Variants in NCKAP5 observed in about 807,000 individuals in gnomAD.
NCKAP5 encodes NCK associated protein 5, also known as nck-associated protein 5.
In NCKAP5, 92 loss-of-function variants were observed where a neutral mutation model predicts 167.0. The observed-to-expected ratio is 0.55, with a 90% CI of 0.47 to 0.66. The LOEUF (loss-of-function observed/expected upper bound fraction) is 0.66. Among genes scored for constraint, NCKAP5 ranks in the 30% least tolerant of loss-of-function variants. NCKAP5 has a pLI of 0.00. For synonymous variants in NCKAP5, 891 were observed against 877.4 expected (o/e 1.02, Z -0.27); for missense variants, 2,378 against 2,315.0 (o/e 1.03, Z -0.56).
chr2:133,103,793 A>G (rs192461990), intron 6 of NCKAP5, among the ~76,000 whole-genome samples: 1 of 152,268 alleles, frequency 6.6e-6, no homozygotes, highest in African/African-American at 2.4e-5. Context: ...CAGTCAATCA[A>G]TCAATGAAAG....
intron 18 of NCKAP5, among the ~76,000 whole-genome samples, chr2:132,726,802 G>A (rs116829234): frequency 0.029 from 4,458 of 152,286 alleles, 221 homozygotes; most frequent in African/African-American, 0.1. Context: ...GTGCTAAGCA[G>A]TATGCTAGGT....
intron 6 of NCKAP5, among the ~76,000 whole-genome samples, chr2:133,107,757 T>G (rs1454494761): frequency 1.3e-5 from 2 of 152,160 alleles, no homozygotes; most frequent in Non-Finnish European, 2.9e-5. Flanking sequence ...TTTTAAAAAA[T>G]AAGTTAGGGC....
chr2:132,895,340 CTG>C (rs1246633375), intron 8 of NCKAP5, among the ~76,000 whole-genome samples: 1 of 113,806 alleles, frequency 8.8e-6, no homozygotes, highest in Non-Finnish European at 1.6e-5. Flanking sequence ...GTCTGAGACT[CTG>C]TCTCAAAAAA....
chr2:132,933,712 A>G (rs1489984076), intron 8 of NCKAP5, among the ~76,000 whole-genome samples: 2 of 152,220 alleles, frequency 1.3e-5, no homozygotes, highest in East Asian at 3.8e-4. Flanking sequence ...TTTTGTCACC[A>G]TAATTTAAAG....
At chr2:132,840,823 A>G (rs1235522427) in intron 11 of NCKAP5, among the ~76,000 whole-genome samples, 2 of 152,148 alleles carry the variant, frequency 1.3e-5, no homozygotes, top group Non-Finnish European at 2.9e-5. Flanking sequence ...ATTTTAAAAA[A>G]TATTTCTAGG....
At chr2:133,206,612 G>T (rs1173700797) in intron 5 of NCKAP5, among the ~76,000 whole-genome samples, 1 of 152,146 alleles carries the variant, frequency 6.6e-6, no homozygotes, top group Non-Finnish European at 1.5e-5. Flanking sequence ...AAATCTGATT[G>T]TAAAATATGT....
At chr2:133,213,978 A>G (rs1278211987) in intron 4 of NCKAP5, among the ~76,000 whole-genome samples, 199 bp from the exon 5 acceptor site, 1 of 152,210 alleles carries the variant, frequency 6.6e-6, no homozygotes, top group Non-Finnish European at 1.5e-5. Flanking sequence ...GAAATTTGCC[A>G]TAGATTTTAC....
intron 4 of NCKAP5, among the ~76,000 whole-genome samples, chr2:133,219,271 G>A (rs1041458093): frequency 2.0e-5 from 3 of 152,184 alleles, no homozygotes; most frequent in Non-Finnish European, 4.4e-5. Flanking sequence ...CTTCCGTATC[G>A]ACAACTGGGG....
chr2:133,083,715 T>G (rs2080889121), intron 6 of NCKAP5, among the ~76,000 whole-genome samples: 1 of 152,206 alleles, frequency 6.6e-6, no homozygotes, highest in East Asian at 1.9e-4. Flanking sequence ...AAACTCTCAC[T>G]GTTCATTCAT....
intron 5 of NCKAP5, among the ~76,000 whole-genome samples, chr2:133,148,428 TA>T (rs2083276292): frequency 1.3e-5 from 2 of 152,152 alleles, no homozygotes; most frequent in African/African-American, 2.4e-5. Flanking sequence ...TTCACACTCT[TA>T]ATGTTCAATT....
chr2:132,939,591 T>A (rs532569876), intron 8 of NCKAP5, among the ~76,000 whole-genome samples: 4 of 152,228 alleles, frequency 2.6e-5, no homozygotes, highest in African/African-American at 9.6e-5. Flanking sequence ...TCAGTTTTTT[T>A]ATTTCAATAG....
chr2:133,514,342 A>G (rs577676573), intron 3 of NCKAP5, among the ~76,000 whole-genome samples: 2 of 152,346 alleles, frequency 1.3e-5, no homozygotes, highest in East Asian at 3.9e-4. Flanking sequence ...ACACATGGAC[A>G]TGTATATGTG....
chr2:132,782,951 G>C lies in NCKAP5; in HGVS notation c.3860C>G (p.Ser1287Cys), dbSNP rs368361442. The C allele has an allele frequency of 6.2e-7, 1 of 1,613,902 alleles. No homozygotes were observed. The highest frequency in any genetic ancestry group is 1.3e-5 in the African/African-American group (1 of 74,928). Residue 1287 changes from serine (S) to cysteine (C), a missense_variant, in exon 14 of 20, where the codon TCT becomes TGT. Around this residue, in one of 3 missense-constraint regions of NCKAP5, gnomAD observed 1,325 missense variants for 1,274.5 expected, o/e 1.04. Coordinates refer to ENST00000409261, the MANE Select transcript of NCKAP5 (RefSeq NM_207363.3). ...GCCTGACCCTTCGATGGGGGGCGTA[G>C]AAGGCTTGTCTCCTGAGTGTGTACT... ...SFSTHSGDKPSTPPIEGSGKV... is the reference protein window; with the variant it reads ...SFSTHSGDKPCTPPIEGSGKV...
At chr2:132,977,464 T>C (rs569348161) in intron 7 of NCKAP5, among the ~76,000 whole-genome samples, 5 of 152,182 alleles carry the variant, frequency 3.3e-5, no homozygotes, top group South Asian at 2.1e-4. Context: ...TCTTCTCACA[T>C]AGGAGCAAAT....
At chr2:133,263,259 G>A (rs920823110) in intron 4 of NCKAP5, among the ~76,000 whole-genome samples, 8 of 150,708 alleles carry the variant, frequency 5.3e-5, no homozygotes, top group African/African-American at 2.0e-4. Flanking sequence ...CAGAGTCACA[G>A]GCTTGAGTAA....
chr2:133,171,244 T>A (rs1415152921), intron 5 of NCKAP5, among the ~76,000 whole-genome samples: 2 of 152,148 alleles, frequency 1.3e-5, no homozygotes, highest in Non-Finnish European at 2.9e-5. Flanking sequence ...TGTGGAATGA[T>A]AAAGAGAAGT....
intron 19 of NCKAP5, among the ~76,000 whole-genome samples, chr2:132,677,522 T>A (rs547826091): frequency 6.6e-6 from 1 of 152,078 alleles, no homozygotes; most frequent in South Asian, 2.1e-4. Context: ...GGAAGTTTTA[T>A]AGAAAAGGGT....
At chr2:133,181,845 G>C (rs970005441) in intron 5 of NCKAP5, among the ~76,000 whole-genome samples, 2 of 152,062 alleles carry the variant, frequency 1.3e-5, no homozygotes, top group African/African-American at 4.8e-5. Flanking sequence ...AAACATGACA[G>C]ACACAAGTAA....
intron 5 of NCKAP5, among the ~76,000 whole-genome samples, chr2:133,196,939 G>T (rs974733837): frequency 6.6e-6 from 1 of 152,152 alleles, no homozygotes; most frequent in South Asian, 2.1e-4. Flanking sequence ...GAAGGAGGGG[G>T]ACCTTGTTCC....
Sources: gnomAD v4.1 joint callset for allele counts (sites outside exome capture counted in the v4.1 genomes callset) on GRCh38, gnomAD v4.1.1 for gene constraint, gnomAD v4.1.1 regional missense constraint, MANE v1.5 for transcripts, NCBI Gene and HGNC (gene_info 2026-07-23, HGNC 2026-07-21) for gene names.